SGIP1: variants seen among roughly 807,000 people sequenced by gnomAD.
The protein encoded by SGIP1 is SH3GL interacting endocytic adaptor 1.
In SGIP1, 38 loss-of-function variants were observed where a neutral mutation model predicts 107.5. That is an observed-to-expected ratio of 0.35 (90% confidence interval 0.27 to 0.46). The LOEUF is 0.46. SGIP1 is among the 20% of genes least tolerant of loss of function. The probability of loss-of-function intolerance (pLI) is 1.00; values close to 1 mark genes in which losing one functional copy is unlikely to be tolerated. For missense variants in SGIP1, 929 were observed against 1,019.5 expected (o/e 0.91, Z 1.21); for synonymous variants, 365 against 366.1 (o/e 1.00, Z 0.03).
rs2083194018 is a variant in SGIP1, at chr1:66,668,999, A to G, written c.483+1458A>G. Among the ~76,000 whole-genome samples the G allele has an allele frequency of 3.3e-5, 5 of 152,224 alleles. No individual in the cohort carries two copies. The South Asian group carries it at 8.3e-4, about 25-fold the overall frequency. On this transcript the variant is annotated intron_variant, in intron 9 of 24. Coordinates refer to ENST00000371037, the MANE Select transcript of SGIP1 (RefSeq NM_032291.4). ...GTCATGCTGCAACATTAAGGTCATC[A>G]GAGATCTGTATGCCCATCCAGCAGA...
intron 1 of SGIP1, among the ~76,000 whole-genome samples, chr1:66,623,458 C>T (rs1461890293): frequency 6.6e-6 from 1 of 152,096 alleles, no homozygotes; most frequent in Non-Finnish European, 1.5e-5. Flanking sequence ...ACCATGTTGG[C>T]CAGGCTGGTC....
intron 14 of SGIP1, 56 bp downstream of exon 14, chr1:66,679,808 G>C (rs377137871): frequency 2.9e-5 from 42 of 1,442,856 alleles, no homozygotes; most frequent in Non-Finnish European, 3.8e-5. Context: ...CAGTGGCCCC[G>C]GATGAACATG....
At chr1:66,660,997 T>C (rs2081358623) in intron 8 of SGIP1, among the ~76,000 whole-genome samples, 1 of 152,204 alleles carries the variant, frequency 6.6e-6, no homozygotes, top group Non-Finnish European at 1.5e-5. Flanking sequence ...TTTGTTTTAG[T>C]AAATCAAAAT....
At chr1:66,620,429 G>T (rs978340479) in intron 1 of SGIP1, among the ~76,000 whole-genome samples, 1 of 152,128 alleles carries the variant, frequency 6.6e-6, no homozygotes, top group Non-Finnish European at 1.5e-5. Context: ...AAAGAAAGGA[G>T]GTTTAATTGA....
At chr1:66,648,397 T>TGAGG (rs2078050813) in intron 7 of SGIP1, among the ~76,000 whole-genome samples, 1 of 151,518 alleles carries the variant, frequency 6.6e-6, no homozygotes, top group Admixed American at 6.6e-5. Context: ...AGTGAGTGAG[T>TGAGG]GAGTGAGTGA....
intron 4 of SGIP1, among the ~76,000 whole-genome samples, chr1:66,636,297 G>T (rs1271081752): frequency 1.3e-5 from 2 of 152,150 alleles, no homozygotes; most frequent in African/African-American, 4.8e-5. Context: ...ATTTTAAAAA[G>T]AATCTACTAT....
rs1479360055 is a variant in SGIP1, at chr1:66,748,697, G to A, written c.*5602G>A. ...AAACAAATATATTTTTAAATGTCCC[G>A]TAATGTTTTAAAGAAAAGAAGTAAA... On this transcript the variant is annotated 3_prime_UTR_variant, in exon 25 of 25. Coordinates refer to ENST00000371037, the MANE Select transcript of SGIP1 (RefSeq NM_032291.4). Among the ~76,000 whole-genome samples the A allele has an allele frequency of 4.0e-5, 6 of 151,670 alleles. No individual in the cohort carries two copies. The highest frequency in any genetic ancestry group is 7.4e-5 in the Non-Finnish European group (5 of 67,802).
chr1:66,571,481 C>T (rs1557925346), intron 1 of SGIP1, among the ~76,000 whole-genome samples: 1 of 151,944 alleles, frequency 6.6e-6, no homozygotes, highest in African/African-American at 2.4e-5. Flanking sequence ...TGGATAAGAA[C>T]AAATTCAGAT....
At chr1:66,556,957 T>C (rs907379086) in intron 1 of SGIP1, among the ~76,000 whole-genome samples, 3 of 152,152 alleles carry the variant, frequency 2.0e-5, no homozygotes, top group Non-Finnish European at 4.4e-5. Flanking sequence ...CAAACAACAA[T>C]TATAATAGTA....
chr1:66,681,924 C>T lies in SGIP1; in HGVS notation c.870C>T (p.Asp290=). ...VKIEKLPSIN[D]LDSIFGPVLS... is the part of the protein sequence containing the mutation. Reference sequence around the variant, plus strand: ...TTGAAAAACTACCATCCATCAATGACTTGGACAGCATTTTTGGGCCAGTAT... The same window carrying T: ...TTGAAAAACTACCATCCATCAATGATTTGGACAGCATTTTTGGGCCAGTAT... The change falls in exon 15 of 25, where the codon GAC becomes GAT. Residue 290 remains aspartate (D), a synonymous_variant. Coordinates refer to ENST00000371037, the MANE Select transcript of SGIP1 (RefSeq NM_032291.4). The T allele has an allele frequency of 6.2e-7, 1 of 1,614,198 alleles. No homozygotes were observed. Among genetic ancestry groups the T allele is most frequent in the Non-Finnish European group, 8.5e-7 (1 of 1,180,036 alleles).
rs2094572474 is a variant in SGIP1, at chr1:66,747,740, G to A, written c.*4645G>A. The A allele has an allele frequency of 6.6e-6, 1 of 151,850 alleles. No homozygotes were observed. The highest frequency in any genetic ancestry group is 2.1e-4 in the South Asian group (1 of 4,824). The allele number at this position is 151,850 out of a possible 1,614,324, so 9.4% of individuals were successfully genotyped here. On this transcript the variant is annotated 3_prime_UTR_variant, in exon 25 of 25. Transcript: ENST00000371037. ...GCTGTAAATTAAATTGAACAATACA[G>A]TAGAATATGCAGATACATACTAAAC...
At chr1:66,722,675 T>C (rs992358921) in intron 19 of SGIP1, among the ~76,000 whole-genome samples, 1 of 152,198 alleles carries the variant, frequency 6.6e-6, no homozygotes, top group African/African-American at 2.4e-5. Flanking sequence ...GGTGTAAATA[T>C]GGTGCAGTGG....
At chr1:66,647,275 TG>T (rs1336659575) in intron 7 of SGIP1, among the ~76,000 whole-genome samples, 1 of 152,152 alleles carries the variant, frequency 6.6e-6, no homozygotes, top group Non-Finnish European at 1.5e-5. Flanking sequence ...GCACCAGCCT[TG>T]GGATGGAGGA....
chr1:66,549,176 T>A (rs904685487), intron 1 of SGIP1, among the ~76,000 whole-genome samples: 1 of 151,426 alleles, frequency 6.6e-6, no homozygotes, highest in Non-Finnish European at 1.5e-5. Flanking sequence ...CCTTCCTTCC[T>A]TCCTTCCTTC....
At chr1:66,591,734 C>T (rs2063668129) in intron 1 of SGIP1, among the ~76,000 whole-genome samples, 1 of 152,126 alleles carries the variant, frequency 6.6e-6, no homozygotes, top group African/African-American at 2.4e-5. Context: ...CTCTGAGTTC[C>T]CTCAGTATTT....
intron 20 of SGIP1, among the ~76,000 whole-genome samples, chr1:66,731,235 T>C (rs1244280336): frequency 6.6e-6 from 1 of 152,188 alleles, no homozygotes; most frequent in East Asian, 1.9e-4. Context: ...TTGCTTCAGT[T>C]TCCCTCCATT....
At chr1:66,742,460 C>CTTTTTTTTTTCTTT (rs2094479370) in intron 24 of SGIP1, among the ~76,000 whole-genome samples, 1 of 45,104 alleles carries the variant, frequency 2.2e-5, no homozygotes, top group Non-Finnish European at 4.3e-5. Flanking sequence ...AGCACCCTTT[C>CTTTTTTTTTTCTTT]TTTTTTTTTT....
chr1:66,596,577 C>A (rs2064757797), intron 1 of SGIP1, among the ~76,000 whole-genome samples: 1 of 151,806 alleles, frequency 6.6e-6, no homozygotes, highest in South Asian at 2.1e-4. Context: ...AAGATAAGTT[C>A]TCAATCTGGT....
At chr1:66,562,384 T>TA (rs766734492) in intron 1 of SGIP1, among the ~76,000 whole-genome samples, 3 of 151,998 alleles carry the variant, frequency 2.0e-5, no homozygotes, top group Admixed American at 6.6e-5. Context: ...AGGGGGGAAA[T>TA]TCTCTATCTG....
Sources: gnomAD v4.1 joint callset for allele counts (sites outside exome capture counted in the v4.1 genomes callset) on GRCh38, gnomAD v4.1.1 for gene constraint, MANE v1.5 for transcripts, NCBI Gene and HGNC (gene_info 2026-07-23, HGNC 2026-07-21) for gene names.